MTDH: variants seen among roughly 807,000 people sequenced by gnomAD.
The protein encoded by MTDH is metadherin.
In MTDH, 34 loss-of-function variants were observed where a neutral mutation model predicts 72.7. The ratio of observed to expected loss-of-function variants is 0.47; its 90% CI spans 0.36 to 0.62. The LOEUF (loss-of-function observed/expected upper bound fraction) is 0.62. Among genes scored for constraint, MTDH ranks in the 20% least tolerant of loss-of-function variants. The pLI, the probability that MTDH is intolerant of heterozygous loss-of-function variation, is 0.00. For synonymous variants in MTDH, 266 were observed against 268.9 expected (o/e 0.99, Z 0.10); for missense variants, 677 against 699.4 (o/e 0.97, Z 0.36).
Position 97,644,519 on chromosome 8 carries a change from A to G in MTDH, c.13A>G (p.Ser5Gly). Residue 5 changes from serine to glycine, a missense_variant, in exon 1 of 12, where the codon AGC (serine) becomes GGC (glycine). Ser to Gly is a moderately conservative substitution (Grantham distance 56, BLOSUM62 0). Transcript: ENST00000336273. ...GACGGGAGGGAAGATGGCTGCACGG[A>G]GCTGGCAGGACGAGCTGGCCCAGCA... is the stretch of plus-strand genomic sequence containing the variant. MAAR[S>G]WQDELAQQAE... The G allele has an allele frequency of 6.3e-7, 1 of 1,588,406 alleles. No homozygotes were observed.
Position 97,644,890 on chromosome 8 carries a change from G to A in MTDH, c.381+3G>A. On this transcript the variant is annotated splice_donor_region_variant and intron_variant, in intron 1 of 11. Coordinates refer to ENST00000336273, the MANE Select transcript of MTDH (RefSeq NM_178812.4). ...AGAAACTGTCCGAGAAGCCCAAAGT[G>A]AGTATGGGATGAGCGGCAGTAGAGA... 1 of 1,542,888 alleles carries A rather than the reference G, an allele frequency of 6.5e-7. No homozygotes were observed.
rs763876488 is a variant in MTDH at position 97,726,983 on chromosome 8, G to C, written c.*2313G>C. On this transcript the variant is annotated 3_prime_UTR_variant, in exon 12 of 12. Transcript: ENST00000336273. ...AATCCCAGCTACTCAGGAGGCTAAG[G>C]CAGAGAATCATTTGAACCCAGGAGA... The C allele has an allele frequency of 6.6e-6, 1 of 151,584 alleles. No individual in the cohort carries two copies. Among genetic ancestry groups the C allele is most frequent in the Non-Finnish European group, 1.5e-5 (1 of 67,976 alleles). 9.4% of individuals were successfully genotyped at this position (151,584 alleles called of 1,614,324 possible).
intron 6 of MTDH, among the ~76,000 whole-genome samples, chr8:97,697,223 G>A (rs1180435781): frequency 5.8e-4 from 85 of 145,504 alleles, no homozygotes; most frequent in African/African-American, 2.0e-3. Context: ...TAGAAAGGGG[G>A]TCAGCAAACT....
chr8:97,697,150 A>ATATATATAT, intron 6 of MTDH, among the ~76,000 whole-genome samples: 7 of 68,792 alleles, frequency 1.0e-4, no homozygotes, highest in Admixed American at 1.6e-4. Flanking sequence ...ATATATATAT[A>ATATATATAT]TTTTTTTTTT....
intron 2 of MTDH, among the ~76,000 whole-genome samples, chr8:97,662,007 A>C (rs1033927516): frequency 9.9e-5 from 15 of 152,124 alleles, no homozygotes; most frequent in Non-Finnish European, 2.2e-4. Context: ...CATACCACAT[A>C]AATGGTACAT....
Position 97,725,969 on chromosome 8 carries a change from A to G in MTDH, c.*1299A>G, listed in dbSNP as rs987996230. 2.6e-5 allele frequency: 4 copies of G among 152,648 alleles called. No individual in the cohort carries two copies. Among genetic ancestry groups the G allele is most frequent in the African/African-American group, 9.6e-5 (4 of 41,452 alleles). 9.5% of individuals were successfully genotyped at this position (152,648 alleles called of 1,614,324 possible). A position where few individuals can be genotyped will look rare whatever the true frequency, so the allele number is the denominator to read the frequency against. ...GAATTGTGATAAAGAAAAAAAAGCC[A>G]TGATTTATTCGATGTGATTGGCTTG... On this transcript the variant is annotated 3_prime_UTR_variant, in exon 12 of 12. Transcript: ENST00000336273.
rs1815001963 is a variant in MTDH at position 97,719,149 on chromosome 8, G to T, written c.1481G>T (p.Ser494Ile). The T allele has an allele frequency of 1.2e-6, 2 of 1,613,880 alleles. No individual in the cohort carries two copies. Among genetic ancestry groups the T allele is most frequent in the African/African-American group, 1.3e-5 (1 of 74,990 alleles). Residue 494 changes from serine to isoleucine, a missense_variant, in exon 10 of 12, where the codon AGC becomes ATC. Ser to Ile is a moderately radical substitution (Grantham distance 142). Coordinates refer to ENST00000336273, the MANE Select transcript of MTDH (RefSeq NM_178812.4). Reference sequence around the variant, plus strand: ...AAAGCTTTTTCCTTGAAGACCATAAGCACTAGTGATCCAGCCGAAGTACTC... The same window carrying T: ...AAAGCTTTTTCCTTGAAGACCATAATCACTAGTGATCCAGCCGAAGTACTC... ...QEKAFSLKTI[S>I]TSDPAEVLVK...
chr8:97,691,723 A>G (rs1308531224), intron 6 of MTDH, among the ~76,000 whole-genome samples: 4 of 147,708 alleles, frequency 2.7e-5, no homozygotes, highest in African/African-American at 1.0e-4. Context: ...GTGTGTGTGT[A>G]TTATAGAAAA....
chr8:97,694,978 A>G (rs973544148), intron 6 of MTDH, among the ~76,000 whole-genome samples: 2 of 152,190 alleles, frequency 1.3e-5, no homozygotes, highest in Non-Finnish European at 2.9e-5. Flanking sequence ...TTAGCAGAGA[A>G]GAAAGCATTA....
chr8:97,687,726 C>T, intron 4 of MTDH, 121 bp downstream of exon 4: 1 of 824,572 alleles, frequency 1.2e-6, no homozygotes, highest in Non-Finnish European at 1.8e-6. Context: ...TGCTGATATA[C>T]CCTTCTTCAT....
rs185713160 is a variant in MTDH, at chr8:97,683,455, A to G, written c.484-3213A>G. ...CCGTTACCCAGGCTGGAATACAGTG[A>G]CATGATCACAGCTCACTTCAGCCTC... On this transcript the variant is annotated intron_variant, in intron 2 of 11. Coordinates refer to ENST00000336273, the MANE Select transcript of MTDH (RefSeq NM_178812.4). Among the ~76,000 whole-genome samples, 469 of 151,832 alleles carry G rather than the reference A, an allele frequency of 3.1e-3. 4 individuals carry two copies. The highest frequency in any genetic ancestry group is 5.0e-3 in the Non-Finnish European group (340 of 67,922).
intron 6 of MTDH, among the ~76,000 whole-genome samples, chr8:97,697,150 A>ATATATATATATATATATAT: frequency 1.5e-5 from 1 of 68,796 alleles, no homozygotes; most frequent in Admixed American, 1.6e-4. Context: ...ATATATATAT[A>ATATATATATATATATATAT]TTTTTTTTTT....
intron 1 of MTDH, among the ~76,000 whole-genome samples, chr8:97,648,874 G>A (rs1811661371): frequency 6.6e-6 from 1 of 152,142 alleles, no homozygotes; most frequent in Non-Finnish European, 1.5e-5. Flanking sequence ...TATTTATACA[G>A]CTTACTCCTA....
intron 1 of MTDH, among the ~76,000 whole-genome samples, chr8:97,656,873 G>A (rs1241491283): frequency 6.6e-6 from 1 of 151,654 alleles, no homozygotes; most frequent in East Asian, 2.0e-4. Context: ...GATGACATGT[G>A]TCTAATGCTG....
chr8:97,664,310 C>T (rs1054795981), intron 2 of MTDH, among the ~76,000 whole-genome samples: 5 of 151,546 alleles, frequency 3.3e-5, no homozygotes, highest in Non-Finnish European at 5.9e-5. Flanking sequence ...GAGCTGAGAT[C>T]GTACCATTGC....
intron 8 of MTDH, among the ~76,000 whole-genome samples, chr8:97,708,931 G>A (rs958566478): frequency 6.6e-6 from 1 of 151,932 alleles, no homozygotes; most frequent in African/African-American, 2.4e-5. Flanking sequence ...ATATAGGCCG[G>A]GCACAGTGGC....
At chr8:97,692,133 G>A (rs984297829) in intron 6 of MTDH, among the ~76,000 whole-genome samples, 1 of 152,092 alleles carries the variant, frequency 6.6e-6, no homozygotes, top group Non-Finnish European at 1.5e-5. Context: ...TGCCAGCCTC[G>A]GCCTCCCAAA....
Position 97,689,066 on chromosome 8 carries a change from C to T in MTDH, c.774C>T (p.Ser258=). The T allele has an allele frequency of 1.3e-6, 2 of 1,583,088 alleles. No homozygotes were observed. The highest frequency in any genetic ancestry group is 1.2e-5 in the South Asian group (1 of 86,170). Residue 258 remains serine (S), a synonymous_variant, in exon 5 of 12, where the codon AGC becomes AGT. Transcript: ENST00000336273. ...KGDSHLNVQV[S]NFKSGKGDST... ...ATTCTCATCTAAATGTTCAAGTTAG[C>T]AACTTTAAATCTGGAAAAGGAGATT...
intron 2 of MTDH, among the ~76,000 whole-genome samples, 179 bp from the exon 3 acceptor site, chr8:97,686,489 C>A (rs1813367775): frequency 6.6e-6 from 1 of 152,120 alleles, no homozygotes; most frequent in African/African-American, 2.4e-5. Context: ...CACATAGTAA[C>A]CACTCACTCA....
Sources: allele counts gnomAD v4.1 joint callset (sites outside exome capture counted in the v4.1 genomes callset), GRCh38; gene constraint gnomAD v4.1.1; transcripts MANE v1.5; gene names NCBI Gene and HGNC (gene_info 2026-07-23, HGNC 2026-07-21).